TNFAIP3: variants seen among roughly 807,000 people sequenced by gnomAD.
TNFAIP3 encodes the protein TNF alpha induced protein 3.
TNFAIP3 carries 9 observed loss-of-function variants against 72.4 expected under a neutral mutation model. The observed-to-expected ratio is 0.12, with a 90% CI of 0.07 to 0.22. The LOEUF is 0.22. Among genes scored for constraint, TNFAIP3 ranks in the 10% least tolerant of loss-of-function variants. The pLI, the probability that TNFAIP3 is intolerant of heterozygous loss-of-function variation, is 1.00. For missense variants in TNFAIP3, 833 were observed against 1,018.7 expected, an observed-to-expected ratio of 0.82 and a Z score of 2.48; for synonymous variants, 339 against 372.6, an observed-to-expected ratio of 0.91 and a Z score of 1.04.
rs2114482357 is a variant in TNFAIP3 at position 137,875,720 on chromosome 6, A to C, written c.519A>C (p.Lys173Asn). Reference protein sequence around the residue: ...NWNDEWDNLIKMASTDTPMAR... With the variant: ...NWNDEWDNLINMASTDTPMAR... ...ATGATGAATGGGACAATCTTATCAAAATGGCTTCCACAGACACACCCATGG... is the reference window on the plus strand; with the variant it reads ...ATGATGAATGGGACAATCTTATCAACATGGCTTCCACAGACACACCCATGG... Residue 173 changes from lysine to asparagine, a missense_variant, in exon 4 of 9, where the codon AAA becomes AAC. Physicochemically the swap from Lys to Asn is moderately conservative, Grantham distance 94. Transcript: ENST00000612899. 1 of 1,614,198 alleles carries C rather than the reference A, an allele frequency of 6.2e-7. No individual in the cohort carries two copies. The highest frequency in any genetic ancestry group is 1.3e-5 in the African/African-American group (1 of 75,042).
At chr6:137,869,337 A>G (rs868373925) in intron 1 of TNFAIP3, among the ~76,000 whole-genome samples, 32 of 145,030 alleles carry the variant, frequency 2.2e-4, no homozygotes, top group East Asian at 4.0e-4. Flanking sequence ...ATGGATGGAT[A>G]GATGGATGGA....
intron 6 of TNFAIP3, among the ~76,000 whole-genome samples, 173 bp from the exon 7 acceptor site, chr6:137,878,259 A>G (rs1776317584): frequency 6.6e-6 from 1 of 152,256 alleles, no homozygotes; most frequent in Non-Finnish European, 1.5e-5. Context: ...AATGTGTCAG[A>G]TCATGTTGCG....
At chr6:137,880,703 G>A (rs5029955) in intron 8 of TNFAIP3, among the ~76,000 whole-genome samples, 16 of 152,132 alleles carry the variant, frequency 1.1e-4, no homozygotes, top group African/African-American at 3.1e-4. Context: ...TAGGTGTGTC[G>A]CCTGTTGCTC....
At chr6:137,867,014 T>C (rs1775855286), upstream of TNFAIP3, 1 of 139,048 alleles carries the variant, frequency 7.2e-6, no homozygotes. The surrounding 1 kb of genome is among the most constrained non-coding windows in gnomAD (Gnocchi z 6.0). Flanking sequence ...CGAGGGAGTT[T>C]CTCCGGGCGC....
At chr6:137,880,918 C>T in intron 8 of TNFAIP3, 117 bp from the exon 9 acceptor site, 1 of 1,095,644 alleles carries the variant, frequency 9.1e-7, no homozygotes, top group Non-Finnish European at 1.3e-6. Flanking sequence ...CTTGCTCAGG[C>T]AGGTAAAGCT....
chr6:137,868,363 T>C (rs890154247), intron 1 of TNFAIP3: 6 of 152,374 alleles, frequency 3.9e-5, no homozygotes, highest in Admixed American at 3.9e-4. Context: ...GGCAGAACCA[T>C]TGTTAATTAA....
chr6:137,870,214 G>T (rs990303541), intron 1 of TNFAIP3, among the ~76,000 whole-genome samples: 1 of 152,204 alleles, frequency 6.6e-6, no homozygotes, highest in Non-Finnish European at 1.5e-5. Context: ...TGGCAGTTGA[G>T]TTAAAATGAT....
Position 137,877,145 on chromosome 6 carries a change from C to A in TNFAIP3, c.875C>A (p.Thr292Lys). The A allele has an allele frequency of 6.2e-7, 1 of 1,613,728 alleles. No individual in the cohort carries two copies. Among genetic ancestry groups the A allele is most frequent in the Non-Finnish European group, 8.5e-7 (1 of 1,179,826 alleles). Residue 292 changes from threonine (T) to lysine (K), a missense_variant, in exon 6 of 9, where the codon ACA (threonine) becomes AAA (lysine). By Grantham distance (78) the Thr-to-Lys change is moderately conservative. This residue lies in a region of TNFAIP3 where 587 missense variants were observed against 657.8 expected (regional missense o/e 0.89). Transcript: ENST00000612899. The stretch of plus-strand genomic sequence containing the variant: ...GAAGACTTAAAAGTTCACTTTTTGA[C>A]AGATCCTGAAAATGAGATGAAGGAG... Reference protein sequence around the residue: ...RFEDLKVHFLTDPENEMKEKL... With the variant: ...RFEDLKVHFLKDPENEMKEKL...
chr6:137,874,929 T>G lies in TNFAIP3; in HGVS notation c.380T>G (p.Phe127Cys), dbSNP rs2230926. 0.05 allele frequency: 81,419 copies of G among 1,614,106 alleles called. 6,197 individuals are homozygous for G. Among genetic ancestry groups the G allele is most frequent in the African/African-American group, 0.36 (27,343 of 74,958 alleles). ...DTDLVLRKAL[F>C]STLKETDTRN... ...GACTTGGTACTGAGGAAGGCGCTGT[T>G]CAGCACGCTCAAGGAAACAGACACA... The change falls in exon 3 of 9, where the codon TTC becomes TGC. Residue 127 changes from phenylalanine (F) to cysteine (C), a missense_variant. Physicochemically the swap from Phe to Cys is radical, Grantham distance 205. Coordinates refer to ENST00000612899, the MANE Select transcript of TNFAIP3 (RefSeq NM_001270508.2).
intron 2 of TNFAIP3, among the ~76,000 whole-genome samples, chr6:137,874,053 C>A (rs1208840750): frequency 6.6e-6 from 1 of 152,118 alleles, no homozygotes; most frequent in Non-Finnish European, 1.5e-5. Flanking sequence ...GAGTTTTAAA[C>A]TGGAAAGGTC....
At chr6:137,879,392 C>A in intron 7 of TNFAIP3, 41 bp downstream of exon 7, 1 of 1,568,076 alleles carries the variant, frequency 6.4e-7, no homozygotes. Context: ...CGGCTGCTGT[C>A]CAGAAGGGGT....
At chr6:137,870,548 C>T (rs975357097) in intron 1 of TNFAIP3, among the ~76,000 whole-genome samples, 2 of 152,142 alleles carry the variant, frequency 1.3e-5, no homozygotes, top group Non-Finnish European at 1.5e-5. Context: ...AGAAAACATT[C>T]GGTTTTAACT....
In TNFAIP3 at chr6:137,871,184, T is replaced by C. The variant is rs781708897; in HGVS notation, c.-15-29T>C. 1.3e-6 allele frequency: 2 copies of C among 1,560,514 alleles called. No homozygotes were observed. The highest frequency in any genetic ancestry group is 1.7e-4 in the Middle Eastern group (1 of 5,750). On this transcript the variant is annotated intron_variant, in intron 1 of 8. Coordinates refer to ENST00000612899, the MANE Select transcript of TNFAIP3 (RefSeq NM_001270508.2). The surrounding 1 kb of genome is among the most constrained non-coding windows in gnomAD (Gnocchi z 4.2). ...TCGTATTAAAGTCAGGCTAATAGAA[T>C]GGCTTTTTTTTTTTCCTTTCCTTTT...
At chr6:137,870,114 A>G (rs1357708435) in intron 1 of TNFAIP3, among the ~76,000 whole-genome samples, 1 of 152,004 alleles carries the variant, frequency 6.6e-6, no homozygotes, top group East Asian at 1.9e-4. Flanking sequence ...CATTCCTTCT[A>G]CTAGTTGATT....
At position 137,882,509 on chromosome 6, in the gene TNFAIP3, A is replaced by G. The variant is rs370877177; in HGVS notation, c.*1190A>G. The G allele has an allele frequency of 2.6e-5, 6 of 232,366 alleles. No individual in the cohort carries two copies. In the South Asian group the frequency reaches 1.1e-3, roughly 42 times the overall value. 14.4% of individuals were successfully genotyped at this position (232,366 alleles called of 1,614,324 possible). ...GGAAAGAAGGAATTGCATCCAAGGT[A>G]TACATACATATTCATCGATGTTTCG... On this transcript the variant is annotated 3_prime_UTR_variant, in exon 9 of 9. Coordinates refer to ENST00000612899, the MANE Select transcript of TNFAIP3 (RefSeq NM_001270508.2).
chr6:137,869,388 C>T lies in TNFAIP3; in HGVS notation c.-15-1825C>T, dbSNP rs554219789. 1.9e-4 allele frequency among the ~76,000 whole-genome samples: 25 copies of T among 129,940 alleles called. No individual in the cohort carries two copies. The East Asian group carries it at 4.2e-3, about 22-fold the overall frequency. The allele number at this position is 129,940 out of a possible 152,430, so 85.2% of individuals were successfully genotyped here. ...ATGGATGGATGGATGGACGGACGGACGGACGGACGGATAGATGATATTGTG... is the reference window on the plus strand; with the variant it reads ...ATGGATGGATGGATGGACGGACGGATGGACGGACGGATAGATGATATTGTG... On this transcript the variant is annotated intron_variant, in intron 1 of 8. Coordinates refer to ENST00000612899, the MANE Select transcript of TNFAIP3 (RefSeq NM_001270508.2).
In TNFAIP3 at chr6:137,883,127, A is replaced by G; in HGVS notation, c.*1808A>G. The stretch of plus-strand genomic sequence containing the variant: ...GATATCTTAATATTTTGTGTTGATC[A>G]TTATTTCCATTCTTAATGTGAAAAA... On this transcript the variant is annotated 3_prime_UTR_variant, in exon 9 of 9. Transcript: ENST00000612899. The G allele has an allele frequency of 4.9e-6, 1 of 205,922 alleles. No homozygotes were observed. The highest frequency in any genetic ancestry group is 9.9e-6 in the Non-Finnish European group (1 of 101,372). 12.8% of individuals were successfully genotyped at this position (205,922 alleles called of 1,614,324 possible).
chr6:137,869,242 C>A (rs1298106365), intron 1 of TNFAIP3, among the ~76,000 whole-genome samples: 1 of 152,096 alleles, frequency 6.6e-6, no homozygotes, highest in Non-Finnish European at 1.5e-5. Flanking sequence ...GGAATAAGGT[C>A]ATCTTTGACT....
chr6:137,868,509 TC>T (rs1775921152), intron 1 of TNFAIP3, among the ~76,000 whole-genome samples: 1 of 152,188 alleles, frequency 6.6e-6, no homozygotes, highest in African/African-American at 2.4e-5. Flanking sequence ...GAGAGGCACA[TC>T]CCCAAATTTG....
Sources: allele counts gnomAD v4.1 joint callset (sites outside exome capture counted in the v4.1 genomes callset), GRCh38; gene constraint gnomAD v4.1.1; regional missense constraint gnomAD v4.1.1; non-coding constraint Gnocchi (gnomAD v3.1); transcripts MANE v1.5; gene names NCBI Gene and HGNC (gene_info 2026-07-23, HGNC 2026-07-21).